Variants in ANKRD44 observed in about 807,000 individuals in gnomAD.
The protein encoded by ANKRD44 is serine/threonine-protein phosphatase 6 regulatory ankyrin repeat subunit B.
Under a neutral mutation model 116.0 loss-of-function variants are expected in ANKRD44, and 35 were observed. The ratio of observed to expected loss-of-function variants is 0.30; its 90% CI spans 0.23 to 0.40. The LOEUF (loss-of-function observed/expected upper bound fraction) is 0.40, where lower values mean the gene tolerates loss of function less well. Ranked by LOEUF, ANKRD44 falls within the 10% of genes least tolerant of loss-of-function variation. The probability of loss-of-function intolerance (pLI) is 1.00; values close to 1 mark genes in which losing one functional copy is unlikely to be tolerated. For missense variants in ANKRD44, 1,014 were observed against 1,242.6 expected (o/e 0.82, Z 2.77); for synonymous variants, 435 against 461.8 (o/e 0.94, Z 0.74).
intron 1 of ANKRD44, among the ~76,000 whole-genome samples, chr2:197,305,608 A>G (rs2084044929): frequency 6.7e-6 from 1 of 149,600 alleles, no homozygotes; most frequent in Non-Finnish European, 1.5e-5. Context: ...AAATCTTAAA[A>G]AAGAAAGAAA....
At chr2:197,145,205 C>T (rs756849574) in intron 3 of ANKRD44, among the ~76,000 whole-genome samples, 6 of 152,134 alleles carry the variant, frequency 3.9e-5, no homozygotes, top group Non-Finnish European at 8.8e-5. Flanking sequence ...GCAGAAGAAT[C>T]GCTTGAACCC....
downstream of ANKRD44, among the ~76,000 whole-genome samples, chr2:196,982,108 T>TTTTTTATATATATATA (rs150861089): frequency 5.2e-5 from 5 of 96,550 alleles, no homozygotes; most frequent in Non-Finnish European, 1.1e-4. Flanking sequence ...CTAAAAAAAA[T>TTTTTTATATATATATA]TATATATATA....
chr2:197,084,383 A>T (rs533210991), intron 13 of ANKRD44, among the ~76,000 whole-genome samples: 1 of 152,348 alleles, frequency 6.6e-6, no homozygotes, highest in East Asian at 1.9e-4. Flanking sequence ...AGTTTGTCTA[A>T]GATGGCTTAT....
At chr2:197,029,842 G>T in intron 16 of ANKRD44, 1 of 277,818 alleles carries the variant, frequency 3.6e-6, no homozygotes, top group African/African-American at 2.3e-5. Context: ...AACCACCGAA[G>T]GAAGTTCAGG....
At chr2:197,273,477 AAC>A (rs2082956813) in intron 1 of ANKRD44, among the ~76,000 whole-genome samples, 1 of 152,242 alleles carries the variant, frequency 6.6e-6, no homozygotes, top group Admixed American at 6.5e-5. Flanking sequence ...AAATTATTCT[AAC>A]ACACAGTCGC....
chr2:197,046,435 G>C (rs1021485995), intron 16 of ANKRD44, among the ~76,000 whole-genome samples: 1 of 151,980 alleles, frequency 6.6e-6, no homozygotes, highest in East Asian at 1.9e-4. Flanking sequence ...GCTTTACTGG[G>C]TCTTAGTTTG....
chr2:197,202,651 C>A lies in ANKRD44; in HGVS notation c.28-15545G>T, dbSNP rs578057410. On this transcript the variant is annotated intron_variant, in intron 1 of 27. Coordinates refer to ENST00000282272, the MANE Select transcript of ANKRD44 (RefSeq NM_001195144.2). ...GCAGTGGCATAACCACAGTTCACTG[C>A]AAGCTCGACCTCCCTGGGGTCAGGT... is the stretch of plus-strand genomic sequence containing the variant. Among the ~76,000 whole-genome samples, 19 of 152,214 alleles carry A rather than the reference C, an allele frequency of 1.2e-4. No homozygotes were observed. The South Asian group carries it at 2.9e-3, about 23-fold the overall frequency.
chr2:197,098,076 T>C (rs2078204760), intron 10 of ANKRD44, among the ~76,000 whole-genome samples: 1 of 152,168 alleles, frequency 6.6e-6, no homozygotes, highest in African/African-American at 2.4e-5. Context: ...TCTAGCAAAC[T>C]CCTATATATC....
At chr2:197,032,809 T>C (rs1228615257) in intron 16 of ANKRD44, among the ~76,000 whole-genome samples, 2 of 152,188 alleles carry the variant, frequency 1.3e-5, no homozygotes, top group African/African-American at 4.8e-5. Flanking sequence ...GCTTATAGTT[T>C]AGAAGGTGGA....
At chr2:197,259,340 A>C (rs1389893153) in intron 1 of ANKRD44, among the ~76,000 whole-genome samples, 1 of 152,200 alleles carries the variant, frequency 6.6e-6, no homozygotes, top group African/African-American at 2.4e-5. Context: ...CTAAGAACAC[A>C]ACATAGCAAC....
At chr2:197,028,525 A>G (rs2076640979) in intron 16 of ANKRD44, among the ~76,000 whole-genome samples, 1 of 152,218 alleles carries the variant, frequency 6.6e-6, no homozygotes, top group Admixed American at 6.5e-5. Flanking sequence ...CCTACATTAC[A>G]GAGGCTGGAC....
chr2:197,219,490 A>G (rs916514387), intron 1 of ANKRD44, among the ~76,000 whole-genome samples: 5 of 152,148 alleles, frequency 3.3e-5, no homozygotes, highest in African/African-American at 7.2e-5. Context: ...TGCTTAAACT[A>G]GTTTGGTGGG....
chr2:197,184,748 T>C (rs2080611698), intron 2 of ANKRD44, among the ~76,000 whole-genome samples: 1 of 151,952 alleles, frequency 6.6e-6, no homozygotes, highest in Admixed American at 6.6e-5. Context: ...AGAGGCCACA[T>C]GTTGCTACCT....
intron 1 of ANKRD44, among the ~76,000 whole-genome samples, chr2:197,223,560 T>C (rs1051356256): frequency 6.6e-6 from 1 of 152,226 alleles, no homozygotes; most frequent in African/African-American, 2.4e-5. Context: ...GTATGTGTGT[T>C]TCCTTTTTGT....
chr2:197,025,341 G>C, intron 16 of ANKRD44, 74 bp from the exon 17 acceptor site: 1 of 1,234,322 alleles, frequency 8.1e-7, no homozygotes. Flanking sequence ...GAGAAAAGAG[G>C]TTTCAGAAAC....
chr2:197,240,074 T>C (rs934461034), intron 1 of ANKRD44, among the ~76,000 whole-genome samples: 7 of 152,002 alleles, frequency 4.6e-5, no homozygotes, highest in African/African-American at 1.7e-4. Flanking sequence ...GATATAAATA[T>C]ATATATATTC....
At chr2:197,118,850 A>G (rs2078784634) in intron 8 of ANKRD44, among the ~76,000 whole-genome samples, 1 of 152,208 alleles carries the variant, frequency 6.6e-6, no homozygotes, top group African/African-American at 2.4e-5. Flanking sequence ...CATTGATAAT[A>G]CTAGGTGTTA....
intron 1 of ANKRD44, among the ~76,000 whole-genome samples, chr2:197,275,060 GATTGTACC>G (rs1479828260): frequency 1.3e-5 from 2 of 152,056 alleles, no homozygotes; most frequent in Non-Finnish European, 2.9e-5. Context: ...AGTGAGCTGT[GATTGTACC>G]ATGACACTCC....
intron 2 of ANKRD44, among the ~76,000 whole-genome samples, chr2:197,178,244 G>A (rs2080414917): frequency 6.6e-6 from 1 of 152,150 alleles, no homozygotes; most frequent in Admixed American, 6.5e-5. Flanking sequence ...GCCAAAACAG[G>A]AGGATAACTT....
Sources: allele counts gnomAD v4.1 joint callset (sites outside exome capture counted in the v4.1 genomes callset), GRCh38; gene constraint gnomAD v4.1.1; transcripts MANE v1.5; gene names NCBI Gene and HGNC (gene_info 2026-07-23, HGNC 2026-07-21).